Variants in FRMD5 observed in about 807,000 individuals in gnomAD.
FRMD5 encodes the protein FERM domain containing 5, also known as FERM domain-containing protein 5.
Under a neutral mutation model 69.0 loss-of-function variants are expected in FRMD5, and 20 were observed. The ratio of observed to expected loss-of-function variants is 0.29; its 90% CI spans 0.20 to 0.42. The LOEUF (loss-of-function observed/expected upper bound fraction) is 0.42, where lower values mean the gene tolerates loss of function less well. Ranked by LOEUF, FRMD5 falls within the 10% of genes least tolerant of loss-of-function variation. The pLI is 1.00. For missense variants in FRMD5, 595 were observed against 708.6 expected, an observed-to-expected ratio of 0.84 and a Z score of 1.82; for synonymous variants, 271 against 260.1, an observed-to-expected ratio of 1.04 and a Z score of -0.40.
chr15:43,878,709 C>T (rs1235449413), intron 13 of FRMD5, among the ~76,000 whole-genome samples: 1 of 152,154 alleles, frequency 6.6e-6, no homozygotes, highest in Non-Finnish European at 1.5e-5. Flanking sequence ...AAGGCCTGCC[C>T]CTTCATGAAG....
At chr15:44,144,047 T>C (rs1017896679) in intron 1 of FRMD5, among the ~76,000 whole-genome samples, 1 of 152,032 alleles carries the variant, frequency 6.6e-6, no homozygotes, top group Admixed American at 6.6e-5. Context: ...AGATATTCTG[T>C]ATAACTATGA....
intron 1 of FRMD5, among the ~76,000 whole-genome samples, chr15:44,087,802 A>C (rs1260929075): frequency 6.6e-6 from 1 of 151,536 alleles, no homozygotes; most frequent in Non-Finnish European, 1.5e-5. Context: ...GGCATTGAAG[A>C]AGGAGTAAAT....
intron 1 of FRMD5, among the ~76,000 whole-genome samples, chr15:44,025,061 G>C (rs1258783426): frequency 6.6e-6 from 1 of 152,192 alleles, no homozygotes; most frequent in Non-Finnish European, 1.5e-5. Context: ...CTCATTTGTA[G>C]AAGTGGGGTA....
At chr15:44,073,646 C>T (rs1177352172) in intron 1 of FRMD5, among the ~76,000 whole-genome samples, 1 of 152,128 alleles carries the variant, frequency 6.6e-6, no homozygotes, top group African/African-American at 2.4e-5. Flanking sequence ...AAGGCTGATC[C>T]CACTGCCCAC....
intron 1 of FRMD5, among the ~76,000 whole-genome samples, chr15:44,082,976 A>C (rs919763879): frequency 1.3e-5 from 2 of 151,974 alleles, no homozygotes; most frequent in Admixed American, 1.3e-4. Flanking sequence ...AGTGTGATGC[A>C]ATTATGAACC....
chr15:44,111,486 G>A (rs913268182), intron 1 of FRMD5, among the ~76,000 whole-genome samples: 1 of 152,174 alleles, frequency 6.6e-6, no homozygotes, highest in Non-Finnish European at 1.5e-5. Context: ...ATAAAACAAT[G>A]TCCCTAAGAA....
intron 1 of FRMD5, among the ~76,000 whole-genome samples, chr15:44,068,129 C>T (rs1367896077): frequency 1.3e-5 from 2 of 152,204 alleles, no homozygotes; most frequent in African/African-American, 4.8e-5. Context: ...GGAACTCTCA[C>T]ATATTGCTGG....
At position 43,982,810 on chromosome 15, in the gene FRMD5, G is replaced by C. The variant is rs530862930; in HGVS notation, c.103-58501C>G. ...TGATATGGTTTCCAAAGAACAGAAG[G>C]TATCTTTTTTAAATCAGGGTATGAG... On this transcript the variant is annotated intron_variant, in intron 1 of 13. Transcript: ENST00000417257. 2.6e-5 allele frequency among the ~76,000 whole-genome samples: 4 copies of C among 152,218 alleles called. No homozygotes were observed. In the South Asian group the frequency reaches 8.3e-4, roughly 32 times the overall value.
intron 1 of FRMD5, among the ~76,000 whole-genome samples, chr15:44,047,519 A>G (rs866154603): frequency 6.6e-6 from 1 of 152,196 alleles, no homozygotes; most frequent in Non-Finnish European, 1.5e-5. Context: ...AGATCAATAA[A>G]TTTTATAATA....
At chr15:43,893,746 G>A (rs892881074) in intron 7 of FRMD5, among the ~76,000 whole-genome samples, 1 of 152,098 alleles carries the variant, frequency 6.6e-6, no homozygotes, top group Admixed American at 6.5e-5. Flanking sequence ...TGGCTCTCCT[G>A]GCCTCTCTGC....
At chr15:43,997,633 C>T (rs190758692) in intron 1 of FRMD5, among the ~76,000 whole-genome samples, 164 of 124,138 alleles carry the variant, frequency 1.3e-3, no homozygotes, top group African/African-American at 4.6e-3. Flanking sequence ...GTGGATTTTT[C>T]CCCTGGGCCT....
chr15:43,970,483 CGTT>C (rs1012037529), intron 1 of FRMD5, among the ~76,000 whole-genome samples: 12 of 152,224 alleles, frequency 7.9e-5, no homozygotes, highest in Admixed American at 6.5e-5. Flanking sequence ...TTGCTGTTGT[CGTT>C]GTTGAGACAG....
intron 1 of FRMD5, among the ~76,000 whole-genome samples, chr15:44,023,873 T>C (rs1242938421): frequency 6.6e-6 from 1 of 152,202 alleles, no homozygotes; most frequent in East Asian, 1.9e-4. Context: ...AGAATCAGCA[T>C]GATATCAAGA....
chr15:44,139,768 T>TA (rs981111371), intron 1 of FRMD5, among the ~76,000 whole-genome samples: 1 of 100,834 alleles, frequency 9.9e-6, no homozygotes, highest in Non-Finnish European at 2.2e-5. Flanking sequence ...GACATAATGA[T>TA]AAAAAAGAAT....
intron 1 of FRMD5, among the ~76,000 whole-genome samples, chr15:44,054,565 C>T (rs537128057): frequency 2.4e-4 from 37 of 152,094 alleles, no homozygotes; most frequent in African/African-American, 8.9e-4. Context: ...GGGTTGTCCG[C>T]CAAAGAATAG....
chr15:43,995,728 CCTGGGGACTGGCCTGAAGA>C (rs2140151822), intron 1 of FRMD5, among the ~76,000 whole-genome samples: 1 of 151,558 alleles, frequency 6.6e-6, no homozygotes, highest in East Asian at 2.0e-4. Context: ...TACCTGGAAT[CCTGGGGACTGGCCTGAAGA>C]CTGGGTCCAT....
intron 1 of FRMD5, among the ~76,000 whole-genome samples, chr15:44,022,341 G>A (rs1180363692): frequency 6.6e-6 from 1 of 151,608 alleles, no homozygotes; most frequent in Non-Finnish European, 1.5e-5. Context: ...GAGATTGGGG[G>A]ATCACTTGAG....
At chr15:43,997,314 T>A (rs932338461) in intron 1 of FRMD5, among the ~76,000 whole-genome samples, 5 of 152,050 alleles carry the variant, frequency 3.3e-5, no homozygotes, top group African/African-American at 1.2e-4. Context: ...TGCGCACTCC[T>A]CTCCCCAATC....
rs899972715 is a variant in FRMD5, at chr15:43,871,310, A to G, written c.*2575T>C. 7.2e-5 allele frequency: 11 copies of G among 152,248 alleles called. No individual in the cohort carries two copies. Among genetic ancestry groups the G allele is most frequent in the Admixed American group, 3.9e-4 (6 of 15,286 alleles). The allele number at this position is 152,248 out of a possible 1,614,324, so 9.4% of individuals were successfully genotyped here. A position where few individuals can be genotyped will look rare whatever the true frequency, so the allele number is the denominator to read the frequency against. On this transcript the variant is annotated 3_prime_UTR_variant, in exon 14 of 14. Coordinates refer to ENST00000417257, the MANE Select transcript of FRMD5 (RefSeq NM_032892.5). ...GCAAAATTTAGCTGTTAGAAATGGC[A>G]TAGACTACTGTACTGTTAGAACTCT...
Sources: allele counts gnomAD v4.1 joint callset (sites outside exome capture counted in the v4.1 genomes callset), GRCh38; gene constraint gnomAD v4.1.1; transcripts MANE v1.5; gene names NCBI Gene and HGNC (gene_info 2026-07-23, HGNC 2026-07-21).